The following MSI2 variants were observed in gnomAD, a reference collection of about 807,000 sequenced individuals.
MSI2 encodes the protein musashi RNA binding protein 2, also known as RNA-binding protein Musashi homolog 2.
In MSI2, 17 loss-of-function variants were observed where a neutral mutation model predicts 45.6. The ratio of observed to expected loss-of-function variants is 0.37; its 90% CI spans 0.26 to 0.56. The LOEUF (loss-of-function observed/expected upper bound fraction) is 0.56. MSI2 is among the 20% of genes least tolerant of loss of function. The probability of loss-of-function intolerance (pLI) is 0.77; values close to 1 mark genes in which losing one functional copy is unlikely to be tolerated. For synonymous variants in MSI2, 156 were observed against 158.2 expected, an observed-to-expected ratio of 0.99 and a Z score of 0.11; for missense variants, 293 against 444.2, an observed-to-expected ratio of 0.66 and a Z score of 3.06.
chr17:57,591,774 G>T (rs367725114), intron 7 of MSI2, among the ~76,000 whole-genome samples: 8 of 152,078 alleles, frequency 5.3e-5, no homozygotes, highest in African/African-American at 1.9e-4. Context: ...AGGGCTGGGG[G>T]AGGGGGAAAT....
intron 6 of MSI2, chr17:57,450,255 T>TAAAGAAAGAAAGAAAGAAAGAAGGAAAG (rs1214315332): frequency 3.9e-5 from 3 of 76,026 alleles, no homozygotes; most frequent in African/African-American, 1.2e-4. Context: ...TTCCCCAGCT[T>TAAAGAAAGAAAGAAAGAAAGAAGGAAAG]AAAGAAAGAA....
chr17:57,477,062 G>A (rs2085550858), intron 6 of MSI2, among the ~76,000 whole-genome samples: 1 of 151,958 alleles, frequency 6.6e-6, no homozygotes, highest in African/African-American at 2.4e-5. Context: ...CTACCAAATT[G>A]AGCCTGGCCT....
intron 5 of MSI2, among the ~76,000 whole-genome samples, chr17:57,311,693 G>A (rs1215684492): frequency 6.6e-6 from 1 of 152,172 alleles, no homozygotes; most frequent in Non-Finnish European, 1.5e-5. Context: ...TGAGACTACA[G>A]GCATGGGCTG....
At chr17:57,585,772 G>A (rs964321692) in intron 7 of MSI2, among the ~76,000 whole-genome samples, 3 of 152,256 alleles carry the variant, frequency 2.0e-5, no homozygotes, top group Non-Finnish European at 1.5e-5. Flanking sequence ...AAAGCCCTGA[G>A]TTGAGAATCC....
intron 7 of MSI2, among the ~76,000 whole-genome samples, chr17:57,535,982 C>A (rs2086912022): frequency 6.6e-6 from 1 of 152,116 alleles, no homozygotes; most frequent in Admixed American, 6.5e-5. Context: ...ACCTGCCAGA[C>A]ACTCACTTTT....
chr17:57,507,225 C>CTCTCTG (rs1297862205), intron 6 of MSI2, among the ~76,000 whole-genome samples: 1 of 51,184 alleles, frequency 2.0e-5, no homozygotes, highest in African/African-American at 4.2e-5. Flanking sequence ...CTTTGTCTCT[C>CTCTCTG]TGTGTGTGTG....
chr17:57,581,596 G>A (rs899678791), intron 7 of MSI2, among the ~76,000 whole-genome samples: 2 of 152,104 alleles, frequency 1.3e-5, no homozygotes, highest in Non-Finnish European at 2.9e-5. Flanking sequence ...ACCTTGAGTC[G>A]CTGTCTCGTG....
At position 57,529,529 on chromosome 17, in the gene MSI2, T is replaced by C; in HGVS notation, c.406-147T>C. ...AAAGACCACTGTTTTTTTTTCTTTCTACTTTTTTGCATTTTCAAATATTTT... is the reference window on the plus strand; with the variant it reads ...AAAGACCACTGTTTTTTTTTCTTTCCACTTTTTTGCATTTTCAAATATTTT... On this transcript the variant is annotated intron_variant, in intron 6 of 13. Coordinates refer to ENST00000284073, the MANE Select transcript of MSI2 (RefSeq NM_138962.4). The surrounding 1 kb of genome is among the most constrained non-coding windows in gnomAD (Gnocchi z 5.3). The C allele has an allele frequency of 2.9e-6, 2 of 701,302 alleles. No homozygotes were observed. Among genetic ancestry groups the C allele is most frequent in the Admixed American group, 2.7e-5 (1 of 36,914 alleles). The allele number at this position is 701,302 out of a possible 1,614,324, so 43.4% of individuals were successfully genotyped here.
intron 6 of MSI2, among the ~76,000 whole-genome samples, chr17:57,502,614 T>TAC (rs2086135623): frequency 9.2e-6 from 1 of 108,568 alleles, no homozygotes; most frequent in Admixed American, 9.9e-5. Flanking sequence ...TATATATATA[T>TAC]ATATATATAT....
At chr17:57,459,890 A>G (rs1444100004) in intron 6 of MSI2, among the ~76,000 whole-genome samples, 1 of 152,066 alleles carries the variant, frequency 6.6e-6, no homozygotes, top group Non-Finnish European at 1.5e-5. Flanking sequence ...GCACTTTGGA[A>G]GGCTGAGGCG....
intron 6 of MSI2, among the ~76,000 whole-genome samples, chr17:57,466,872 C>T (rs958902061): frequency 6.6e-6 from 1 of 152,086 alleles, no homozygotes; most frequent in Non-Finnish European, 1.5e-5. Context: ...TAAGTCAGAC[C>T]AACTTAAGGT....
chr17:57,487,815 A>C (rs76855909), intron 6 of MSI2, among the ~76,000 whole-genome samples: 4,402 of 151,510 alleles, frequency 0.029, 100 homozygotes, highest in Middle Eastern at 0.048. Flanking sequence ...TCCCTCAGCC[A>C]ACAGACATCT....
At chr17:57,369,446 T>C (rs1229174211) in intron 5 of MSI2, among the ~76,000 whole-genome samples, 1 of 152,180 alleles carries the variant, frequency 6.6e-6, no homozygotes, top group Non-Finnish European at 1.5e-5. Flanking sequence ...ATAAAGCAGG[T>C]TGGACAGACC....
chr17:57,430,192 C>T (rs920516152), intron 6 of MSI2, among the ~76,000 whole-genome samples: 2 of 152,172 alleles, frequency 1.3e-5, no homozygotes, highest in Non-Finnish European at 2.9e-5. Context: ...TCTGTAGCCA[C>T]CGAAGAAAAC....
At chr17:57,380,781 A>C (rs1376467611) in intron 5 of MSI2, among the ~76,000 whole-genome samples, 1 of 152,198 alleles carries the variant, frequency 6.6e-6, no homozygotes. Flanking sequence ...GTAGTTGGCT[A>C]GTCCTATACC....
rs545303687 is a variant in MSI2 at position 57,622,536 on chromosome 17, G to A, written c.653-4693G>A. Among the ~76,000 whole-genome samples the A allele has an allele frequency of 2.6e-4, 39 of 152,276 alleles. No individual in the cohort carries two copies. The East Asian group carries it at 7.1e-3, about 28-fold the overall frequency. On this transcript the variant is annotated intron_variant, in intron 9 of 13. Transcript: ENST00000284073. ...CTAGCAGGCCCAGAAACGAAGAGAG[G>A]CTGATGATCAGCTAAAGCACGTTAG...
At chr17:57,468,706 T>C (rs1194554588) in intron 6 of MSI2, among the ~76,000 whole-genome samples, 4 of 152,056 alleles carry the variant, frequency 2.6e-5, no homozygotes, top group African/African-American at 9.7e-5. Context: ...TCTTGAGCTG[T>C]CATCAGTGCC....
intron 6 of MSI2, among the ~76,000 whole-genome samples, chr17:57,521,556 T>C (rs2086584722): frequency 6.6e-6 from 1 of 152,190 alleles, no homozygotes; most frequent in Non-Finnish European, 1.5e-5. Context: ...GAAAGTAGGA[T>C]GAGGCAAGGA....
chr17:57,675,428 C>T (rs1017659025), intron 12 of MSI2, among the ~76,000 whole-genome samples: 5 of 152,244 alleles, frequency 3.3e-5, no homozygotes, highest in Admixed American at 2.6e-4. Context: ...ATCTCATTTC[C>T]CTGGCTGCAA....
Sources: allele counts gnomAD v4.1 joint callset (sites outside exome capture counted in the v4.1 genomes callset), GRCh38; gene constraint gnomAD v4.1.1; non-coding constraint Gnocchi (gnomAD v3.1); transcripts MANE v1.5; gene names NCBI Gene and HGNC (gene_info 2026-07-23, HGNC 2026-07-21).